The following ZNF532 variants were observed in gnomAD, a reference collection of about 807,000 sequenced individuals.
ZNF532 encodes the protein zinc finger protein 532.
ZNF532 carries 22 observed loss-of-function variants against 89.3 expected under a neutral mutation model. That is an observed-to-expected ratio of 0.25 (90% CI 0.18 to 0.35). The LOEUF is 0.35. Among genes scored for constraint, ZNF532 ranks in the 10% least tolerant of loss-of-function variants. ZNF532 has a pLI of 1.00. For synonymous variants in ZNF532, 606 were observed against 649.6 expected (o/e 0.93, Z 1.02); for missense variants, 1,132 against 1,643.4 (o/e 0.69, Z 5.38).
At chr18:58,981,681 TTTTCC>T (rs1289941144) in intron 9 of ZNF532, 64 bp downstream of exon 9, 20 of 1,592,668 alleles carry the variant, frequency 1.3e-5, no homozygotes, top group East Asian at 6.9e-5. Context: ...CCATTCATTT[TTTTCC>T]TTTCAAGTTT....
chr18:58,886,989 C>T (rs769794997), intron 2 of ZNF532, among the ~76,000 whole-genome samples: 2 of 152,162 alleles, frequency 1.3e-5, no homozygotes, highest in Non-Finnish European at 2.9e-5. Context: ...CTGGGCAAGC[C>T]CTGCCCAGAG....
chr18:58,945,600 G>A (rs2063579034), intron 5 of ZNF532, among the ~76,000 whole-genome samples: 1 of 152,174 alleles, frequency 6.6e-6, no homozygotes, highest in Admixed American at 6.5e-5. Flanking sequence ...AATGTAGCAT[G>A]AACAAAATGA....
chr18:58,963,873 A>C (rs1018372164), intron 7 of ZNF532, among the ~76,000 whole-genome samples: 7 of 151,956 alleles, frequency 4.6e-5, no homozygotes, highest in Non-Finnish European at 7.4e-5. Flanking sequence ...ACAACCTGGA[A>C]CCTAGCCATG....
chr18:58,877,723 G>A (rs2057545832), intron 2 of ZNF532, among the ~76,000 whole-genome samples: 1 of 152,180 alleles, frequency 6.6e-6, no homozygotes, highest in Non-Finnish European at 1.5e-5. Context: ...TCGGCTCTGG[G>A]CCTGTGAGTG....
chr18:58,949,265 AT>A (rs550441289), intron 6 of ZNF532, among the ~76,000 whole-genome samples: 4 of 151,554 alleles, frequency 2.6e-5, no homozygotes, highest in Admixed American at 6.6e-5. Context: ...TATGTTAAGC[AT>A]TTTTTTTTCC....
intron 5 of ZNF532, 107 bp downstream of exon 5, chr18:58,939,728 T>C (rs1423025833): frequency 2.9e-6 from 3 of 1,031,470 alleles, no homozygotes; most frequent in South Asian, 1.7e-5. Flanking sequence ...TGAAAAATTA[T>C]GCAGCTATGC....
chr18:58,888,817 ATATATATAAATTATATATATAATT>A (rs2058604382), intron 2 of ZNF532, among the ~76,000 whole-genome samples: 1 of 23,172 alleles, frequency 4.3e-5, no homozygotes, highest in African/African-American at 1.5e-4. Context: ...ATAAAAAATT[ATATATATAAATTATATATATAATT>A]TATATATATA....
chr18:58,959,905 C>T (rs1335330894), intron 7 of ZNF532, among the ~76,000 whole-genome samples: 1 of 152,008 alleles, frequency 6.6e-6, no homozygotes, highest in Non-Finnish European at 1.5e-5. Flanking sequence ...CATACAGAGA[C>T]GTTATACATT....
chr18:58,978,445 C>A (rs2067304360), intron 7 of ZNF532, among the ~76,000 whole-genome samples: 1 of 152,128 alleles, frequency 6.6e-6, no homozygotes, highest in Non-Finnish European at 1.5e-5. Context: ...TGTATGGTTT[C>A]ATATATTATC....
chr18:58,891,293 G>A (rs986764245), intron 2 of ZNF532, among the ~76,000 whole-genome samples: 7 of 152,164 alleles, frequency 4.6e-5, no homozygotes, highest in African/African-American at 1.7e-4. Flanking sequence ...ACTTTCGGAG[G>A]CTGAGGTGGG....
At chr18:58,872,738 C>T (rs1459431165) in intron 2 of ZNF532, among the ~76,000 whole-genome samples, 8 of 144,426 alleles carry the variant, frequency 5.5e-5, no homozygotes, top group Non-Finnish European at 9.0e-5. Context: ...TTTGCTGTGT[C>T]GCTCAGGCTG....
Position 58,879,342 on chromosome 18 carries a change from A to G in ZNF532, c.-18+13763A>G, listed in dbSNP as rs574333408. Reference sequence around the variant, plus strand: ...AGAGTCAATGAGAAGTGAGCTATGCATGTTTATTGGGTAAGTGTAAAAGCT... The same window carrying G: ...AGAGTCAATGAGAAGTGAGCTATGCGTGTTTATTGGGTAAGTGTAAAAGCT... On this transcript the variant is annotated intron_variant, in intron 2 of 9. Coordinates refer to ENST00000591808, the MANE Select transcript of ZNF532 (RefSeq NM_001375912.1). 2.6e-5 allele frequency among the ~76,000 whole-genome samples: 4 copies of G among 152,356 alleles called. No individual in the cohort carries two copies. In the South Asian group the frequency reaches 6.2e-4, roughly 24 times the overall value.
chr18:58,920,735 C>CGT lies in ZNF532; in HGVS notation c.2346+157_2346+158dup, dbSNP rs5825306. 1,514 of 421,312 alleles carry CGT rather than the reference C, an allele frequency of 3.6e-3. 8 individuals are homozygous for CGT. The highest frequency in any genetic ancestry group is 4.3e-3 in the Non-Finnish European group (1,087 of 250,544). 26.1% of individuals were successfully genotyped at this position (421,312 alleles called of 1,614,324 possible). ...TAGGGTGGGAATGCAGTGAAATGGA[C>CGT]GTGTGTGTGTGTGTGTGTGTGTGTG... On this transcript the variant is annotated intron_variant, in intron 3 of 9. Transcript: ENST00000591808.
chr18:58,945,584 C>T (rs1035034532), intron 5 of ZNF532, among the ~76,000 whole-genome samples: 2 of 152,084 alleles, frequency 1.3e-5, no homozygotes, highest in African/African-American at 4.8e-5. Context: ...AATCCCTCCC[C>T]AAAGGAATGT....
intron 9 of ZNF532, 135 bp downstream of exon 9, chr18:58,981,752 C>G: frequency 1.7e-6 from 2 of 1,171,400 alleles, no homozygotes; most frequent in Non-Finnish European, 2.4e-6. Flanking sequence ...GTGGCTCATG[C>G]CCACCACTTT....
chr18:58,949,436 C>A (rs1277453055), intron 6 of ZNF532, among the ~76,000 whole-genome samples: 2 of 152,220 alleles, frequency 1.3e-5, no homozygotes, highest in African/African-American at 4.8e-5. Context: ...CGGTGGCTTA[C>A]ACCTGTAATC....
chr18:58,961,217 C>A (rs1009061969), intron 7 of ZNF532, among the ~76,000 whole-genome samples: 1 of 152,180 alleles, frequency 6.6e-6, no homozygotes, highest in Non-Finnish European at 1.5e-5. Context: ...TCTCACAAGC[C>A]CTAGCTGATG....
intron 3 of ZNF532, among the ~76,000 whole-genome samples, chr18:58,926,866 T>A (rs1195050668): frequency 6.6e-6 from 1 of 152,254 alleles, no homozygotes; most frequent in Non-Finnish European, 1.5e-5. Context: ...AGCCTTGCAT[T>A]TCTGGAATGA....
At chr18:58,947,120 G>C (rs2063733081) in intron 5 of ZNF532, among the ~76,000 whole-genome samples, 1 of 152,168 alleles carries the variant, frequency 6.6e-6, no homozygotes, top group African/African-American at 2.4e-5. Flanking sequence ...CATTCTCACA[G>C]TTCTCCAGAG....
Sources: gnomAD v4.1 joint callset for allele counts (sites outside exome capture counted in the v4.1 genomes callset) on GRCh38, gnomAD v4.1.1 for gene constraint, MANE v1.5 for transcripts, NCBI Gene and HGNC (gene_info 2026-07-23, HGNC 2026-07-21) for gene names.